The following MFAP3L variants were observed in gnomAD, a reference collection of about 807,000 sequenced individuals.
MFAP3L encodes microfibril associated protein 3 like.
Under a neutral mutation model 20.0 loss-of-function variants are expected in MFAP3L, and 5 were observed. The observed-to-expected ratio is 0.25, with a 90% CI of 0.13 to 0.53. MFAP3L has a LOEUF of 0.53. MFAP3L is among the 20% of genes least tolerant of loss of function. The pLI is 0.96. For synonymous variants in MFAP3L, 219 were observed against 213.0 expected, an observed-to-expected ratio of 1.03 and a Z score of -0.25; for missense variants, 409 against 527.5, an observed-to-expected ratio of 0.78 and a Z score of 2.20.
In MFAP3L at chr4:169,991,537, T is replaced by C. The variant is rs1737675075; in HGVS notation, c.1071A>G (p.Ala357=). ...TGGACGTGACATCGGTAGAAGGTTCTGCAGTTTCGGGGGAATGTTCCGCCG... is the reference window on the plus strand; with the variant it reads ...TGGACGTGACATCGGTAGAAGGTTCCGCAGTTTCGGGGGAATGTTCCGCCG... ...ELSAEHSPET[A]EPSTDVTSTE... is the part of the protein sequence containing the mutation. Residue 357 remains alanine (A), a synonymous_variant, in exon 3 of 3, where the codon GCA becomes GCG. Coordinates refer to ENST00000361618, the MANE Select transcript of MFAP3L (RefSeq NM_021647.8). This position sits in a 1 kb window ranked among gnomAD's most constrained non-coding sequence, Gnocchi z 4.9. The C allele has an allele frequency of 6.2e-7, 1 of 1,614,228 alleles. No individual in the cohort carries two copies. Among genetic ancestry groups the C allele is most frequent in the Non-Finnish European group, 8.5e-7 (1 of 1,180,040 alleles).
chr4:170,020,341 ACTC>A (rs1399207869), intron 1 of MFAP3L, among the ~76,000 whole-genome samples: 1 of 151,612 alleles, frequency 6.6e-6, no homozygotes, highest in Non-Finnish European at 1.5e-5. Context: ...AATGATTCTC[ACTC>A]CTCAATATTG....
In MFAP3L at chr4:169,998,770, C is replaced by T. The variant is rs117764688; in HGVS notation, c.299-6461G>A. On this transcript the variant is annotated intron_variant, in intron 2 of 2. Transcript: ENST00000361618. ...GACACTTTGGCTCTTAAGCCTCACACACCCATGCTTTTCCAGGAGAAGAAT... is the reference window on the plus strand; with the variant it reads ...GACACTTTGGCTCTTAAGCCTCACATACCCATGCTTTTCCAGGAGAAGAAT... Among the ~76,000 whole-genome samples, 276 of 152,322 alleles carry T rather than the reference C, an allele frequency of 1.8e-3. 2 individuals carry two copies. Among genetic ancestry groups the T allele is most frequent in the East Asian group, 0.013 (68 of 5,190 alleles).
intron 1 of MFAP3L, among the ~76,000 whole-genome samples, chr4:170,015,429 A>C (rs1739640016): frequency 3.3e-5 from 5 of 152,224 alleles, no homozygotes; most frequent in Admixed American, 3.3e-4. Flanking sequence ...CATTGCAGTA[A>C]ATACAACTGG....
chr4:169,998,909 A>C (rs1445610106), intron 2 of MFAP3L, among the ~76,000 whole-genome samples: 1 of 152,266 alleles, frequency 6.6e-6, no homozygotes, highest in Admixed American at 6.5e-5. Context: ...ACATTTATTC[A>C]AACGAGGATT....
intron 2 of MFAP3L, among the ~76,000 whole-genome samples, chr4:169,995,937 ACT>A (rs1389100956): frequency 6.6e-6 from 1 of 151,668 alleles, no homozygotes; most frequent in East Asian, 1.9e-4. Flanking sequence ...AATAGAAAAG[ACT>A]CTCACGTTCT....
chr4:170,009,244 G>A (rs1406610147), intron 1 of MFAP3L, among the ~76,000 whole-genome samples: 2 of 151,968 alleles, frequency 1.3e-5, no homozygotes, highest in Non-Finnish European at 1.5e-5. Context: ...TTAGCCGGGC[G>A]TGGTGGTGTG....
At chr4:170,002,571 G>A (rs966893594) in intron 2 of MFAP3L, among the ~76,000 whole-genome samples, 1 of 151,564 alleles carries the variant, frequency 6.6e-6, no homozygotes, top group Non-Finnish European at 1.5e-5. Context: ...GTGCAGTGGC[G>A]CGATCTCAGC....
intron 2 of MFAP3L, among the ~76,000 whole-genome samples, chr4:170,000,058 G>C (rs943363569): frequency 3.3e-5 from 5 of 152,198 alleles, no homozygotes; most frequent in African/African-American, 1.2e-4. Flanking sequence ...GGAGAAAACA[G>C]TTCCCAGCTG....
At chr4:170,019,794 T>C (rs1739915538) in intron 1 of MFAP3L, among the ~76,000 whole-genome samples, 1 of 152,052 alleles carries the variant, frequency 6.6e-6, no homozygotes, top group Admixed American at 6.5e-5. Flanking sequence ...AAGGAAGGGG[T>C]TGGGATTATA....
rs922088392 is a variant in MFAP3L at position 169,994,583 on chromosome 4, T to C, written c.299-2274A>G. ...GAGTTTTCAGATATGATTTTAATTG[T>C]GTATTGATATGTATTTCTCTAATCT... On this transcript the variant is annotated intron_variant, in intron 2 of 2. Coordinates refer to ENST00000361618, the MANE Select transcript of MFAP3L (RefSeq NM_021647.8). The C allele has an allele frequency of 9.4e-6, 9 of 952,432 alleles. No individual in the cohort carries two copies. The African/African-American group carries it at 1.6e-4, about 17-fold the overall frequency. 59.0% of individuals were successfully genotyped at this position (952,432 alleles called of 1,614,324 possible).
At chr4:170,004,655 T>C (rs1738912176) in intron 2 of MFAP3L, among the ~76,000 whole-genome samples, 1 of 152,152 alleles carries the variant, frequency 6.6e-6, no homozygotes, top group Non-Finnish European at 1.5e-5. Context: ...TAAGATAAAA[T>C]GAGGGAAAGA....
rs773999514 is a variant in MFAP3L, at chr4:169,992,385, A to T, written c.299-76T>A. 29 of 1,145,598 alleles carry T rather than the reference A, an allele frequency of 2.5e-5. No individual in the cohort carries two copies. Among genetic ancestry groups the T allele is most frequent in the Non-Finnish European group, 3.4e-5 (27 of 799,526 alleles). 71.0% of individuals were successfully genotyped at this position (1,145,598 alleles called of 1,614,324 possible). A position where few individuals can be genotyped will look rare whatever the true frequency, so the allele number is the denominator to read the frequency against. On this transcript the variant is annotated intron_variant, in intron 2 of 2. Transcript: ENST00000361618. The surrounding 1 kb of genome is among the most constrained non-coding windows in gnomAD (Gnocchi z 4.3). Reference sequence around the variant, plus strand: ...ACTACAAACTGATACGTTTCTAAGAACATCTATGAACATCTATGAAGAACA... The same window carrying T: ...ACTACAAACTGATACGTTTCTAAGATCATCTATGAACATCTATGAAGAACA...
At chr4:170,020,010 C>G (rs181318429) in intron 1 of MFAP3L, among the ~76,000 whole-genome samples, 2 of 152,330 alleles carry the variant, frequency 1.3e-5, no homozygotes, top group Admixed American at 1.3e-4. Flanking sequence ...TTATGTATCT[C>G]TTACAAAGTC....
Position 169,992,043 on chromosome 4 carries a change from A to T in MFAP3L, c.565T>A (p.Phe189Ile), listed in dbSNP as rs764506878. ...TTCTCTGCACCTTCGGTCCTAAAGAACTCATTGATGGCCTTCTCAGTCTTC... is the reference window on the plus strand; with the variant it reads ...TTCTCTGCACCTTCGGTCCTAAAGATCTCATTGATGGCCTTCTCAGTCTTC... Reference protein sequence around the residue: ...LKKTEKAINEFFRTEGAEKLQ... With the variant: ...LKKTEKAINEIFRTEGAEKLQ... The change falls in exon 3 of 3, where the codon TTC (phenylalanine) becomes ATC (isoleucine). Residue 189 changes from phenylalanine (F) to isoleucine (I), a missense_variant. Physicochemically the swap from Phe to Ile is conservative, Grantham distance 21. This residue lies in a region of MFAP3L where 127 missense variants were observed against 218.1 expected (regional missense o/e 0.58). Coordinates refer to ENST00000361618, the MANE Select transcript of MFAP3L (RefSeq NM_021647.8). This position sits in a 1 kb window ranked among gnomAD's most constrained non-coding sequence, Gnocchi z 4.3. 1 of 1,613,894 alleles carries T rather than the reference A, an allele frequency of 6.2e-7. No homozygotes were observed. The highest frequency in any genetic ancestry group is 1.3e-5 in the African/African-American group (1 of 74,864).
intron 1 of MFAP3L, among the ~76,000 whole-genome samples, chr4:170,025,173 C>T (rs116182886): frequency 0.011 from 1,705 of 152,280 alleles, 32 homozygotes; most frequent in African/African-American, 0.039. Context: ...AGTAAAATGT[C>T]AGAAGAACTA....
rs573210099 is a variant in MFAP3L at position 170,018,548 on chromosome 4, CAAG to C, written c.-134+7683_-134+7685del. 2.8e-3 allele frequency among the ~76,000 whole-genome samples: 426 copies of C among 152,204 alleles called. 3 individuals are homozygous for C. Among genetic ancestry groups the C allele is most frequent in the African/African-American group, 8.9e-3 (371 of 41,516 alleles). On this transcript the variant is annotated intron_variant, in intron 1 of 2. Coordinates refer to ENST00000361618, the MANE Select transcript of MFAP3L (RefSeq NM_021647.8). ...GTAGTGATGAGATGCCTTCCAAAGGCAAGAAGACATCAGAAGTCCACTGCACGT... is the reference window on the plus strand; with the variant it reads ...GTAGTGATGAGATGCCTTCCAAAGGCAAGACATCAGAAGTCCACTGCACGT...
intron 2 of MFAP3L, among the ~76,000 whole-genome samples, chr4:170,001,634 T>C (rs1738624336): frequency 6.6e-6 from 1 of 152,204 alleles, no homozygotes; most frequent in Non-Finnish European, 1.5e-5. Flanking sequence ...AATTAGTGCC[T>C]GAAATAGTTA....
intron 1 of MFAP3L, among the ~76,000 whole-genome samples, chr4:170,008,263 A>T (rs1739168943): frequency 6.6e-6 from 1 of 152,168 alleles, no homozygotes; most frequent in Admixed American, 6.5e-5. Flanking sequence ...CATCTGGAAA[A>T]GTCACTAAGG....
upstream of MFAP3L, among the ~76,000 whole-genome samples, chr4:170,026,698 AG>A (rs1050270442): frequency 2.0e-5 from 3 of 152,146 alleles, no homozygotes; most frequent in Non-Finnish European, 2.9e-5. Context: ...CCTCCGCGGC[AG>A]CGCGGGACTC....
Sources: gnomAD v4.1 joint callset for allele counts (sites outside exome capture counted in the v4.1 genomes callset) on GRCh38, gnomAD v4.1.1 for gene constraint, gnomAD v4.1.1 regional missense constraint, Gnocchi (gnomAD v3.1) non-coding constraint, MANE v1.5 for transcripts, NCBI Gene and HGNC (gene_info 2026-07-23, HGNC 2026-07-21) for gene names.